CDK8: variants seen among roughly 807,000 people sequenced by gnomAD.
CDK8 encodes the protein cyclin-dependent kinase 8.
A neutral mutation model predicts 71.5 loss-of-function variants in CDK8; 29 were observed. That is an observed-to-expected ratio of 0.41 (90% confidence interval 0.30 to 0.55). CDK8 has a LOEUF of 0.55. Among genes scored for constraint, CDK8 ranks in the 20% least tolerant of loss-of-function variants. The probability of loss-of-function intolerance (pLI) is 0.37; values close to 1 mark genes in which losing one functional copy is unlikely to be tolerated. For synonymous variants in CDK8, 161 were observed against 192.1 expected (o/e 0.84, Z 1.34); for missense variants, 288 against 572.6 (o/e 0.50, Z 5.07).
chr13:26,290,384 A>T (rs1001459346), intron 1 of CDK8, among the ~76,000 whole-genome samples: 1 of 152,230 alleles, frequency 6.6e-6, no homozygotes, highest in African/African-American at 2.4e-5. Flanking sequence ...CAACAAGTGA[A>T]AGAGTGGGGA....
Position 26,353,762 on chromosome 13 carries a change from C to T in CDK8, c.338C>T (p.Ala113Val), listed in dbSNP as rs2137999252. The change falls in exon 4 of 13, where the codon GCT becomes GTT. Residue 113 changes from alanine (A) to valine (V), a missense_variant. Physicochemically the swap from Ala to Val is moderately conservative, Grantham distance 64 (BLOSUM62 0). Coordinates refer to ENST00000381527, the MANE Select transcript of CDK8 (RefSeq NM_001260.3). ...CAGCATATAATCAAGTTTCACAGAG[C>T]TTCTAAAGCAAACAAGAAGCCAGTT... ...DLWHIIKFHRASKANKKPVQL... is the reference protein window; with the variant it reads ...DLWHIIKFHRVSKANKKPVQL... The T allele has an allele frequency of 6.2e-7, 1 of 1,612,508 alleles. No homozygotes were observed. The highest frequency in any genetic ancestry group is 8.5e-7 in the Non-Finnish European group (1 of 1,179,096).
chr13:26,370,932 A>G (rs894263445), intron 4 of CDK8, among the ~76,000 whole-genome samples: 3 of 151,918 alleles, frequency 2.0e-5, no homozygotes, highest in African/African-American at 7.3e-5. Flanking sequence ...AGAAATGTTT[A>G]TTTTTGTTTA....
At chr13:26,324,145 T>G (rs1023524879) in intron 1 of CDK8, among the ~76,000 whole-genome samples, 10 of 152,212 alleles carry the variant, frequency 6.6e-5, no homozygotes, top group African/African-American at 2.4e-4. Flanking sequence ...GTATATTAAT[T>G]TCTTTAAATA....
intron 1 of CDK8, among the ~76,000 whole-genome samples, chr13:26,323,537 A>T (rs537665674): frequency 6.6e-6 from 1 of 152,060 alleles, no homozygotes; most frequent in Non-Finnish European, 1.5e-5. Context: ...ATTTGGGGGG[A>T]GACAGTTCAG....
Position 26,353,891 on chromosome 13 carries a change from CT to C in CDK8, c.456+12del, listed in dbSNP as rs1254620017. ...TTGCACAGAGATTTGGTAAGTTGACCTGTAATTGGTTTAAACTAGAAAGATG... is the reference window on the plus strand; with the variant it reads ...TTGCACAGAGATTTGGTAAGTTGACCGTAATTGGTTTAAACTAGAAAGATG... On this transcript the variant is annotated intron_variant, in intron 4 of 12. Coordinates refer to ENST00000381527, the MANE Select transcript of CDK8 (RefSeq NM_001260.3). The C allele has an allele frequency of 6.2e-7, 1 of 1,611,572 alleles. No individual in the cohort carries two copies. Among genetic ancestry groups the C allele is most frequent in the Non-Finnish European group, 8.5e-7 (1 of 1,177,892 alleles).
At chr13:26,350,629 A>G (rs1873645518) in intron 3 of CDK8, among the ~76,000 whole-genome samples, 1 of 152,050 alleles carries the variant, frequency 6.6e-6, no homozygotes, top group African/African-American at 2.4e-5. Context: ...ACAGGGTTTC[A>G]CCATGTTGGC....
intron 1 of CDK8, among the ~76,000 whole-genome samples, chr13:26,294,482 T>C (rs868149621): frequency 6.6e-6 from 1 of 152,202 alleles, no homozygotes; most frequent in South Asian, 2.1e-4. Flanking sequence ...TTTCAATTTT[T>C]TGAGAAACCT....
At chr13:26,294,501 T>G (rs561395033) in intron 1 of CDK8, among the ~76,000 whole-genome samples, 1 of 152,318 alleles carries the variant, frequency 6.6e-6, no homozygotes, top group South Asian at 2.1e-4. Flanking sequence ...CTCCATACTG[T>G]TTTTTAAATG....
intron 1 of CDK8, among the ~76,000 whole-genome samples, chr13:26,279,115 A>G (rs1032280226): frequency 6.0e-5 from 9 of 150,318 alleles, no homozygotes; most frequent in Non-Finnish European, 1.2e-4. Context: ...CCTATAACGA[A>G]CCCGTGAATC....
chr13:26,280,184 T>G (rs776950793), intron 1 of CDK8, among the ~76,000 whole-genome samples: 3 of 152,238 alleles, frequency 2.0e-5, no homozygotes, highest in Non-Finnish European at 1.5e-5. Context: ...CGTGTAAAAT[T>G]TTCAGCGAGA....
intron 4 of CDK8, among the ~76,000 whole-genome samples, chr13:26,355,648 TA>T (rs1386261201): frequency 1.1e-4 from 16 of 152,100 alleles, no homozygotes. Flanking sequence ...TAGATTTACA[TA>T]ACAGAAATAA....
chr13:26,258,839 T>C (rs548124608), intron 1 of CDK8, among the ~76,000 whole-genome samples: 51 of 152,070 alleles, frequency 3.4e-4, no homozygotes, highest in Middle Eastern at 6.8e-3. Flanking sequence ...TGCTTTAACG[T>C]TGGTTCTCAT....
In CDK8 at chr13:26,257,952, T is replaced by C. The variant is rs182180902; in HGVS notation, c.128+3183T>C. On this transcript the variant is annotated intron_variant, in intron 1 of 12. Coordinates refer to ENST00000381527, the MANE Select transcript of CDK8 (RefSeq NM_001260.3). The stretch of plus-strand genomic sequence containing the variant: ...AGAGAGAGATACTGCCAACTTTCTT[T>C]GGGGCACATTTGTTGAGAGCCCAGA... 6.0e-3 allele frequency among the ~76,000 whole-genome samples: 909 copies of C among 151,660 alleles called. 4 individuals carry two copies. Among genetic ancestry groups the C allele is most frequent in the Middle Eastern group, 0.017 (5 of 294 alleles).
chr13:26,368,511 T>A (rs556591277), intron 4 of CDK8, among the ~76,000 whole-genome samples: 2 of 152,278 alleles, frequency 1.3e-5, no homozygotes, highest in African/African-American at 4.8e-5. Flanking sequence ...TGCTGCCAAT[T>A]TACTATCACA....
At chr13:26,344,761 T>A (rs940946488) in intron 2 of CDK8, among the ~76,000 whole-genome samples, 3 of 150,396 alleles carry the variant, frequency 2.0e-5, no homozygotes, top group East Asian at 2.0e-4. Context: ...AAAAAAAAAA[T>A]TCTTTGGGGC....
intron 4 of CDK8, chr13:26,359,877 G>A (rs548283088): frequency 9.4e-5 from 20 of 213,694 alleles, no homozygotes; most frequent in South Asian, 8.9e-4. Context: ...CACCACATCC[G>A]GCCAATTTTT....
chr13:26,274,624 G>A (rs1242407736), intron 1 of CDK8, among the ~76,000 whole-genome samples: 6 of 151,628 alleles, frequency 4.0e-5, no homozygotes, highest in East Asian at 3.9e-4. Context: ...GTAGAGATGG[G>A]GTTTCACGAT....
intron 1 of CDK8, among the ~76,000 whole-genome samples, chr13:26,280,424 A>C (rs1021590074): frequency 2.6e-5 from 4 of 152,188 alleles, no homozygotes; most frequent in African/African-American, 4.8e-5. Flanking sequence ...GCAACCGGAG[A>C]GGTCCCAGGG....
intron 1 of CDK8, among the ~76,000 whole-genome samples, chr13:26,284,646 A>T (rs1872913504): frequency 6.6e-6 from 1 of 152,176 alleles, no homozygotes; most frequent in African/African-American, 2.4e-5. Flanking sequence ...CAACAAAAAA[A>T]ATTCCAGGAC....
Sources: allele counts gnomAD v4.1 joint callset (sites outside exome capture counted in the v4.1 genomes callset), GRCh38; gene constraint gnomAD v4.1.1; transcripts MANE v1.5; gene names NCBI Gene and HGNC (gene_info 2026-07-23, HGNC 2026-07-21).